Variants in ZMYM5 observed in about 807,000 individuals in gnomAD.
The protein encoded by ZMYM5 is zinc finger MYM-type protein 5.
Under a neutral mutation model 61.8 loss-of-function variants are expected in ZMYM5, and 41 were observed. The observed-to-expected ratio is 0.66, with a 90% CI of 0.52 to 0.86. The LOEUF (loss-of-function observed/expected upper bound fraction) is 0.86. Among genes scored for constraint, ZMYM5 ranks in the 40% least tolerant of loss-of-function variants. The pLI is 0.00. For synonymous variants in ZMYM5, 257 were observed against 276.4 expected (o/e 0.93, Z 0.70); for missense variants, 706 against 786.7 (o/e 0.90, Z 1.23).
chr13:19,842,355 A>G (rs2138554757), intron 4 of ZMYM5, among the ~76,000 whole-genome samples: 2 of 152,252 alleles, frequency 1.3e-5, no homozygotes, highest in Admixed American at 1.3e-4. Context: ...TTTCTCTTGT[A>G]CTACAAAACC....
chr13:19,835,126 G>A (rs1336727828), intron 7 of ZMYM5, among the ~76,000 whole-genome samples: 6 of 151,836 alleles, frequency 4.0e-5, no homozygotes, highest in African/African-American at 1.5e-4. Flanking sequence ...AAGTAGCTGA[G>A]ACTACAGGCA....
At chr13:19,853,563 G>A (rs531276651) in intron 2 of ZMYM5, among the ~76,000 whole-genome samples, 138 of 151,664 alleles carry the variant, frequency 9.1e-4, no homozygotes, top group African/African-American at 3.3e-3. Flanking sequence ...AAAGTGCTGG[G>A]ATTACAGGAA....
At chr13:19,861,834 A>G (rs1953775408) in intron 2 of ZMYM5, among the ~76,000 whole-genome samples, 1 of 151,332 alleles carries the variant, frequency 6.6e-6, no homozygotes, top group Non-Finnish European at 1.5e-5. Flanking sequence ...GAACACATAG[A>G]TCACTGTCTA....
intron 7 of ZMYM5, among the ~76,000 whole-genome samples, chr13:19,828,023 A>C (rs1339646529): frequency 1.3e-5 from 2 of 150,532 alleles, no homozygotes; most frequent in Admixed American, 6.6e-5. Context: ...CATCTCAAAA[A>C]AAAAAAAAAA....
At chr13:19,833,295 T>C (rs1275453197) in intron 7 of ZMYM5, among the ~76,000 whole-genome samples, 5 of 152,236 alleles carry the variant, frequency 3.3e-5, no homozygotes, top group African/African-American at 1.2e-4. Flanking sequence ...TTTTACATTA[T>C]GATCTATCTT....
intron 4 of ZMYM5, among the ~76,000 whole-genome samples, chr13:19,849,721 T>G (rs1173052389): frequency 6.6e-6 from 1 of 152,186 alleles, no homozygotes; most frequent in Non-Finnish European, 1.5e-5. Flanking sequence ...GGCTCAGGCC[T>G]GTAATCCCAG....
At chr13:19,849,971 T>G (rs1381873320) in intron 4 of ZMYM5, among the ~76,000 whole-genome samples, 1 of 150,274 alleles carries the variant, frequency 6.7e-6, no homozygotes, top group Admixed American at 6.6e-5. Context: ...ACAGAGACTC[T>G]GTCTCAAAAA....
chr13:19,860,765 G>A (rs1953716882), intron 2 of ZMYM5, among the ~76,000 whole-genome samples: 1 of 151,316 alleles, frequency 6.6e-6, no homozygotes, highest in Non-Finnish European at 1.5e-5. Context: ...AAGAACTGCT[G>A]GAAATTAAAA....
At chr13:19,825,569 C>T (rs1444189004) in intron 7 of ZMYM5, among the ~76,000 whole-genome samples, 1 of 151,756 alleles carries the variant, frequency 6.6e-6, no homozygotes, top group African/African-American at 2.4e-5. Context: ...ATCGCCTGAA[C>T]CCAGGAGGCA....
chr13:19,826,491 G>A (rs1010722390), intron 7 of ZMYM5, among the ~76,000 whole-genome samples: 1 of 151,984 alleles, frequency 6.6e-6, no homozygotes, highest in South Asian at 2.1e-4. Flanking sequence ...GCATGGTGGC[G>A]CACGCCTGTA....
chr13:19,855,713 G>A (rs184906793), intron 2 of ZMYM5, among the ~76,000 whole-genome samples: 1 of 151,042 alleles, frequency 6.6e-6, no homozygotes, highest in Admixed American at 6.7e-5. Context: ...TTATAAATAA[G>A]TTAAAACACT....
chr13:19,837,027 T>G (rs1165879013), intron 6 of ZMYM5, among the ~76,000 whole-genome samples: 6 of 123,344 alleles, frequency 4.9e-5, no homozygotes, highest in South Asian at 2.3e-4. Context: ...GTTTTTTGTT[T>G]TTTTTTTTTT....
In ZMYM5 at chr13:19,823,653, TCAAA is replaced by T. The variant is rs555186261; in HGVS notation, c.*820_*823del. 3.9e-4 allele frequency: 59 copies of T among 152,258 alleles called. 1 individual carries two copies. The highest frequency in any genetic ancestry group is 1.0e-3 in the African/African-American group (42 of 41,566). 9.4% of individuals were successfully genotyped at this position (152,258 alleles called of 1,614,324 possible). The stretch of plus-strand genomic sequence containing the variant: ...AACATAACAAATAATGCTGTTTTGC[TCAAA>T]CAAAGTAGATCACAAGTATTTGGTT... On this transcript the variant is annotated 3_prime_UTR_variant, in exon 8 of 8. Coordinates refer to ENST00000337963, the MANE Select transcript of ZMYM5 (RefSeq NM_001142684.2).
At chr13:19,841,673 T>G (rs1464748333) in intron 4 of ZMYM5, among the ~76,000 whole-genome samples, 1 of 151,888 alleles carries the variant, frequency 6.6e-6, no homozygotes, top group Non-Finnish European at 1.5e-5. Context: ...AAATTCTAAA[T>G]TTAGGTATTT....
intron 7 of ZMYM5, among the ~76,000 whole-genome samples, chr13:19,828,469 G>A (rs748502051): frequency 6.6e-6 from 1 of 152,024 alleles, no homozygotes; most frequent in Non-Finnish European, 1.5e-5. Flanking sequence ...GTGAGACTCT[G>A]TCTCCAATCA....
chr13:19,825,291 T>A (rs1890857321), intron 7 of ZMYM5, 56 bp from the exon 8 acceptor site: 1 of 1,169,988 alleles, frequency 8.5e-7, no homozygotes, highest in African/African-American at 1.6e-5. Context: ...AAAATTAATG[T>A]ATATTCAAAT....
chr13:19,855,084 T>C (rs1953454450), intron 2 of ZMYM5, among the ~76,000 whole-genome samples: 1 of 152,164 alleles, frequency 6.6e-6, no homozygotes, highest in South Asian at 2.1e-4. Flanking sequence ...GCCAGGAATG[T>C]TGGCTCATGC....
At chr13:19,843,087 A>AT (rs1344942592) in intron 4 of ZMYM5, among the ~76,000 whole-genome samples, 1 of 151,332 alleles carries the variant, frequency 6.6e-6, no homozygotes, top group Non-Finnish European at 1.5e-5. Flanking sequence ...AAGTGCTGCA[A>AT]TTACAGGCGT....
intron 7 of ZMYM5, among the ~76,000 whole-genome samples, chr13:19,826,048 A>T (rs1176735150): frequency 8.5e-3 from 4 of 470 alleles, no homozygotes; most frequent in East Asian, 0.33. Flanking sequence ...TCCATGCTTA[A>T]AAAAAAAAAA....
Sources: gnomAD v4.1 joint callset for allele counts (sites outside exome capture counted in the v4.1 genomes callset) on GRCh38, gnomAD v4.1.1 for gene constraint, MANE v1.5 for transcripts, NCBI Gene and HGNC (gene_info 2026-07-23, HGNC 2026-07-21) for gene names.